MIB1: variants seen among roughly 807,000 people sequenced by gnomAD.
The protein encoded by MIB1 is E3 ubiquitin-protein ligase MIB1.
Under a neutral mutation model 124.5 loss-of-function variants are expected in MIB1, and 278 were observed. The observed-to-expected ratio is 2.23, with a 90% CI of 2.02 to 2.47. The LOEUF (loss-of-function observed/expected upper bound fraction) is 2.47. Among genes scored for constraint, MIB1 ranks in the 30% most tolerant of loss-of-function variants. The pLI is 0.00. For missense variants in MIB1, 957 were observed against 1,254.4 expected, an observed-to-expected ratio of 0.76 and a Z score of 3.58; for synonymous variants, 446 against 429.4, an observed-to-expected ratio of 1.04 and a Z score of -0.48.
intron 1 of MIB1, among the ~76,000 whole-genome samples, chr18:21,757,134 TACACTATTTA>T (rs1413690187): frequency 6.6e-6 from 1 of 151,948 alleles, no homozygotes; most frequent in African/African-American, 2.4e-5. Flanking sequence ...GGTGGTCAAC[TACACTATTTA>T]CATTAACTTA....
At chr18:21,744,546 C>T (rs2040891943) in intron 1 of MIB1, among the ~76,000 whole-genome samples, 1 of 152,074 alleles carries the variant, frequency 6.6e-6, no homozygotes. Context: ...TACTAGTATT[C>T]TTTTTCTCAT....
intron 9 of MIB1, among the ~76,000 whole-genome samples, chr18:21,802,582 T>C (rs1205238376): frequency 2.7e-4 from 41 of 152,338 alleles, no homozygotes; most frequent in Admixed American, 2.7e-3. Flanking sequence ...ATACTAATGA[T>C]AGGTCTTTAT....
Position 21,864,925 on chromosome 18 carries a change from A to G in MIB1, c.*259A>G. The G allele has an allele frequency of 9.8e-6, 3 of 305,438 alleles. No individual in the cohort carries two copies. The highest frequency in any genetic ancestry group is 1.8e-5 in the Non-Finnish European group (3 of 167,942). 18.9% of individuals were successfully genotyped at this position (305,438 alleles called of 1,614,324 possible). A position where few individuals can be genotyped will look rare whatever the true frequency, so the allele number is the denominator to read the frequency against. On this transcript the variant is annotated 3_prime_UTR_variant, in exon 21 of 21. Transcript: ENST00000261537. Reference sequence around the variant, plus strand: ...AATTTACCTTTGGCTTCTAAGAGGAAAGTCCTTTAAGGATATCCTTTTTTA... The same window carrying G: ...AATTTACCTTTGGCTTCTAAGAGGAGAGTCCTTTAAGGATATCCTTTTTTA...
chr18:21,803,148 T>A (rs898161792), intron 9 of MIB1, among the ~76,000 whole-genome samples: 2 of 152,256 alleles, frequency 1.3e-5, no homozygotes, highest in Admixed American at 1.3e-4. Flanking sequence ...TCTTGTTTTC[T>A]AATGTTCTCC....
chr18:21,812,356 T>C (rs750146151), intron 10 of MIB1: 1 of 152,164 alleles, frequency 6.6e-6, no homozygotes, highest in South Asian at 2.1e-4. Context: ...TAGAGAGACA[T>C]TGAAGAGGTT....
At chr18:21,744,352 T>C (rs528311335) in intron 1 of MIB1, among the ~76,000 whole-genome samples, 2 of 152,186 alleles carry the variant, frequency 1.3e-5, no homozygotes, top group Non-Finnish European at 2.9e-5. Context: ...CCAGAAAAAT[T>C]ACAAAACTAG....
chr18:21,750,473 G>A (rs1416182352), intron 1 of MIB1, among the ~76,000 whole-genome samples: 6 of 152,184 alleles, frequency 3.9e-5, no homozygotes, highest in Non-Finnish European at 7.4e-5. Flanking sequence ...GATTACAGGC[G>A]CATGCCACCA....
At chr18:21,854,941 G>A in intron 18 of MIB1, 1 of 165,058 alleles carries the variant, frequency 6.1e-6, no homozygotes. Flanking sequence ...TTTGTTAGAT[G>A]CTGTGTTGTA....
chr18:21,713,276 A>G (rs2040673353), intron 1 of MIB1, among the ~76,000 whole-genome samples: 1 of 30,126 alleles, frequency 3.3e-5, no homozygotes, highest in South Asian at 9.9e-4. Context: ...TCTGGAATAA[A>G]TTAAATTTCC....
intron 1 of MIB1, among the ~76,000 whole-genome samples, chr18:21,734,134 T>C (rs150689057): frequency 6.9e-6 from 1 of 145,960 alleles, no homozygotes; most frequent in East Asian, 2.0e-4. Context: ...TGAGACAGAG[T>C]CTCGCTCTTT....
Position 21,778,166 on chromosome 18 carries a change from C to CT in MIB1, c.701dup (p.Gly235ArgfsTer2). ...TTTCTACAGAGATCACTGCCCTGTG[C>CT]TAGGTGAGTGAGAAGATTAGAGAGT... On this transcript the variant is annotated frameshift_variant, in exon 5 of 21. Coordinates refer to ENST00000261537, the MANE Select transcript of MIB1 (RefSeq NM_020774.4). LOFTEE classifies it high-confidence loss of function. 1 of 1,595,928 alleles carries CT rather than the reference C, an allele frequency of 6.3e-7. No homozygotes were observed. Among genetic ancestry groups the CT allele is most frequent in the Non-Finnish European group, 8.6e-7 (1 of 1,164,080 alleles).
chr18:21,816,468 G>A (rs1319135843), intron 11 of MIB1, among the ~76,000 whole-genome samples: 1 of 152,122 alleles, frequency 6.6e-6, no homozygotes, highest in Non-Finnish European at 1.5e-5. Flanking sequence ...TAATTTTGTA[G>A]CTCCTGAATC....
At chr18:21,811,881 A>G (rs2041777851) in intron 10 of MIB1, among the ~76,000 whole-genome samples, 2 of 152,248 alleles carry the variant, frequency 1.3e-5, no homozygotes, top group South Asian at 4.1e-4. Context: ...GGTAAACTTT[A>G]TGTATATTTT....
chr18:21,814,021 A>G (rs2041802573), intron 10 of MIB1, among the ~76,000 whole-genome samples: 2 of 152,204 alleles, frequency 1.3e-5, no homozygotes, highest in Admixed American at 6.5e-5. Flanking sequence ...TTTTTGGTAT[A>G]AGCTATGTAT....
upstream of MIB1, among the ~76,000 whole-genome samples, chr18:21,740,346 C>A (rs959463073): frequency 2.0e-5 from 3 of 152,198 alleles, no homozygotes; most frequent in African/African-American, 7.2e-5. Context: ...AAAGTCTTTA[C>A]CGTTGCTCAC....
intron 1 of MIB1, among the ~76,000 whole-genome samples, chr18:21,761,226 G>GT (rs11393243): frequency 0.27 from 37,759 of 140,978 alleles, 5,793 homozygotes; most frequent in East Asian, 0.56. Flanking sequence ...ACACAAAGTG[G>GT]TTTTTTTTTT....
chr18:21,750,568 C>T (rs1453141731), intron 1 of MIB1, among the ~76,000 whole-genome samples: 1 of 152,078 alleles, frequency 6.6e-6, no homozygotes, highest in Non-Finnish European at 1.5e-5. Flanking sequence ...ATCTTGTGAT[C>T]CGCCCGCCTC....
chr18:21,820,598 A>T (rs2041869802), intron 12 of MIB1, among the ~76,000 whole-genome samples: 1 of 152,166 alleles, frequency 6.6e-6, no homozygotes. Flanking sequence ...TCCAAATTGC[A>T]AATATTTGAA....
intron 6 of MIB1, among the ~76,000 whole-genome samples, chr18:21,785,481 TCAAA>T (rs1379283350): frequency 2.0e-5 from 3 of 152,144 alleles, no homozygotes; most frequent in Admixed American, 6.5e-5. Context: ...ACAAAGAAAA[TCAAA>T]CAAAGGAAAA....
Sources: gnomAD v4.1 joint callset for allele counts (sites outside exome capture counted in the v4.1 genomes callset) on GRCh38, gnomAD v4.1.1 for gene constraint, MANE v1.5 for transcripts, NCBI Gene and HGNC (gene_info 2026-07-23, HGNC 2026-07-21) for gene names.